Variants in THSD7B observed in about 807,000 individuals in gnomAD.
The protein encoded by THSD7B is thrombospondin type 1 domain containing 7B.
THSD7B carries 138 observed loss-of-function variants against 213.6 expected under a neutral mutation model. That is an observed-to-expected ratio of 0.65 (90% CI 0.56 to 0.74). THSD7B has a LOEUF of 0.74. THSD7B is among the 30% of genes least tolerant of loss of function. THSD7B has a pLI of 0.00. For missense variants in THSD7B, 1,931 were observed against 1,991.5 expected, an observed-to-expected ratio of 0.97 and a Z score of 0.58; for synonymous variants, 742 against 687.0, an observed-to-expected ratio of 1.08 and a Z score of -1.25.
At chr2:137,040,099 C>T (rs138978647) in intron 2 of THSD7B, among the ~76,000 whole-genome samples, 1 of 152,174 alleles carries the variant, frequency 6.6e-6, no homozygotes, top group East Asian at 1.9e-4. Context: ...GCACTGTGAG[C>T]AATGCCCTGC....
At chr2:136,804,917 T>A (rs2104925242) in intron 1 of THSD7B, among the ~76,000 whole-genome samples, 1 of 152,236 alleles carries the variant, frequency 6.6e-6, no homozygotes, top group Admixed American at 6.5e-5. Flanking sequence ...GGAAATGGTG[T>A]CCCTACAGTC....
chr2:137,029,388 A>C lies in THSD7B; in HGVS notation c.140-27032A>C, dbSNP rs896647463. On this transcript the variant is annotated intron_variant, in intron 2 of 27. Coordinates refer to ENST00000409968, the MANE Select transcript of THSD7B (RefSeq NM_001316349.2). ...TGCCAAGCCTGTAAGCATTGTTCTA[A>C]TGGGTAAAAAATATCCCATTTTAGA... 4.6e-5 allele frequency among the ~76,000 whole-genome samples: 7 copies of C among 152,206 alleles called. No individual in the cohort carries two copies. The East Asian group carries it at 1.4e-3, about 29-fold the overall frequency.
chr2:137,616,588 A>G (rs780338319), intron 18 of THSD7B, among the ~76,000 whole-genome samples: 23 of 152,206 alleles, frequency 1.5e-4, no homozygotes, highest in Non-Finnish European at 3.1e-4. Flanking sequence ...GATTTAAGCC[A>G]TGATAAACTG....
rs889638365 is a variant in THSD7B at position 137,042,419 on chromosome 2, A to G, written c.140-14001A>G. Among the ~76,000 whole-genome samples, 6 of 152,154 alleles carry G rather than the reference A, an allele frequency of 3.9e-5. No individual in the cohort carries two copies. In the East Asian group the frequency reaches 7.7e-4, roughly 20 times the overall value. On this transcript the variant is annotated intron_variant, in intron 2 of 27. Coordinates refer to ENST00000409968, the MANE Select transcript of THSD7B (RefSeq NM_001316349.2). ...CTCTCTCTCTTTTTTTTCCTCCAGG[A>G]AACAGTTACACAGGGAAAGAAGTTT...
chr2:137,619,207 AAC>A (rs1159415399), intron 19 of THSD7B, among the ~76,000 whole-genome samples: 2 of 152,238 alleles, frequency 1.3e-5, no homozygotes, highest in Non-Finnish European at 2.9e-5. Flanking sequence ...GAATCACTGA[AAC>A]AGTCTTTGGA....
At chr2:137,422,437 T>G (rs531632338) in intron 14 of THSD7B, among the ~76,000 whole-genome samples, 2 of 152,344 alleles carry the variant, frequency 1.3e-5, no homozygotes, top group South Asian at 2.1e-4. Flanking sequence ...AGACAAGGGC[T>G]TACTGATGAA....
intron 15 of THSD7B, among the ~76,000 whole-genome samples, chr2:137,504,025 CAAAAAAAAAAAGA>C (rs796721231): frequency 2.2e-3 from 181 of 81,266 alleles, no homozygotes; most frequent in East Asian, 0.013. Context: ...GACTCCATCT[CAAAAAAAAAAAGA>C]AAAAAAAAAA....
At chr2:136,904,328 G>A (rs1684118485) in intron 2 of THSD7B, among the ~76,000 whole-genome samples, 1 of 152,088 alleles carries the variant, frequency 6.6e-6, no homozygotes, top group African/African-American at 2.4e-5. Context: ...TCCTAGACAT[G>A]GAGGCAGATG....
intron 12 of THSD7B, among the ~76,000 whole-genome samples, chr2:137,305,828 C>T (rs904939731): frequency 1.3e-5 from 2 of 152,094 alleles, no homozygotes; most frequent in African/African-American, 2.4e-5. Context: ...ACATGACACA[C>T]ATCTAGATAG....
chr2:137,315,193 G>A (rs1230511664), intron 12 of THSD7B, among the ~76,000 whole-genome samples: 4 of 152,308 alleles, frequency 2.6e-5, no homozygotes, highest in East Asian at 1.9e-4. Context: ...AGCCAGGTGC[G>A]GGATATAATC....
intron 1 of THSD7B, among the ~76,000 whole-genome samples, chr2:136,845,530 A>G: frequency 6.6e-6 from 1 of 152,246 alleles, no homozygotes; most frequent in Non-Finnish European, 1.5e-5. Context: ...TTATGTATTT[A>G]TTTTGCCCCA....
chr2:137,372,000 G>A (rs992279575), intron 12 of THSD7B, among the ~76,000 whole-genome samples: 1 of 152,058 alleles, frequency 6.6e-6, no homozygotes, highest in Non-Finnish European at 1.5e-5. Context: ...TTCGGTTTCT[G>A]TTTCTTTTTA....
At chr2:137,430,881 A>G (rs1687165121) in intron 14 of THSD7B, among the ~76,000 whole-genome samples, 1 of 152,160 alleles carries the variant, frequency 6.6e-6, no homozygotes, top group African/African-American at 2.4e-5. Context: ...TAAGGTAGAA[A>G]AGTGAGCTAG....
chr2:137,131,810 G>T (rs912043020), intron 5 of THSD7B, among the ~76,000 whole-genome samples: 4 of 152,206 alleles, frequency 2.6e-5, no homozygotes, highest in South Asian at 2.1e-4. Flanking sequence ...AAGTCAGGTA[G>T]CGTGATGCCT....
Position 137,676,670 on chromosome 2 carries a change from G to A in THSD7B, c.*65G>A. 1 of 1,405,808 alleles carries A rather than the reference G, an allele frequency of 7.1e-7. No homozygotes were observed. The allele number at this position is 1,405,808 out of a possible 1,614,324, so 87.1% of individuals were successfully genotyped here. A position where few individuals can be genotyped will look rare whatever the true frequency, so the allele number is the denominator to read the frequency against. ...ACCGCTTTCTCTTTTGTAGCTCTCA[G>A]ACTTCTCAGTTTTTTGAGGAATCTC... On this transcript the variant is annotated 3_prime_UTR_variant, in exon 28 of 28. Transcript: ENST00000409968.
chr2:137,480,579 C>T (rs1418087957), intron 15 of THSD7B, among the ~76,000 whole-genome samples: 1 of 152,124 alleles, frequency 6.6e-6, no homozygotes, highest in Non-Finnish European at 1.5e-5. Flanking sequence ...ATATTTTTGG[C>T]AATTACATTG....
In THSD7B at chr2:136,988,236, T is replaced by G. The variant is rs193159468; in HGVS notation, c.140-68184T>G. Among the ~76,000 whole-genome samples the G allele has an allele frequency of 2.0e-5, 3 of 152,282 alleles. No homozygotes were observed. In the East Asian group the frequency reaches 5.8e-4, roughly 29 times the overall value. Reference sequence around the variant, plus strand: ...AAGGCTCTATTTTAAGAAAAGCAAGTGAGTCAGGAAGTTCTTGGGCTGGAT... The same window carrying G: ...AAGGCTCTATTTTAAGAAAAGCAAGGGAGTCAGGAAGTTCTTGGGCTGGAT... On this transcript the variant is annotated intron_variant, in intron 2 of 27. Transcript: ENST00000409968.
intron 2 of THSD7B, among the ~76,000 whole-genome samples, chr2:137,048,793 G>A (rs1159195729): frequency 6.6e-6 from 1 of 152,154 alleles, no homozygotes; most frequent in Non-Finnish European, 1.5e-5. Context: ...CAGGGACGCA[G>A]CTTAAAATTT....
chr2:137,575,558 C>T (rs1301300418), intron 17 of THSD7B, among the ~76,000 whole-genome samples: 2 of 151,776 alleles, frequency 1.3e-5, no homozygotes, highest in Non-Finnish European at 2.9e-5. Flanking sequence ...ACAAATAAGA[C>T]AAAGGCATTA....
Sources: gnomAD v4.1 joint callset for allele counts (sites outside exome capture counted in the v4.1 genomes callset) on GRCh38, gnomAD v4.1.1 for gene constraint, MANE v1.5 for transcripts, NCBI Gene and HGNC (gene_info 2026-07-23, HGNC 2026-07-21) for gene names.